The following EFCAB14 variants were observed in gnomAD, a reference collection of about 807,000 sequenced individuals.
The protein encoded by EFCAB14 is EF-hand calcium-binding domain-containing protein 14.
Under a neutral mutation model 56.5 loss-of-function variants are expected in EFCAB14, and 43 were observed. The ratio of observed to expected loss-of-function variants is 0.76; its 90% CI spans 0.60 to 0.98. The LOEUF (loss-of-function observed/expected upper bound fraction) is 0.98. EFCAB14 is among the 50% of genes least tolerant of loss of function. The pLI is 0.00. For missense variants in EFCAB14, 538 were observed against 580.3 expected (o/e 0.93, Z 0.75); for synonymous variants, 235 against 212.9 (o/e 1.10, Z -0.90).
chr1:46,717,606 C>T (rs758408123), intron 1 of EFCAB14, among the ~76,000 whole-genome samples: 1 of 152,174 alleles, frequency 6.6e-6, no homozygotes, highest in South Asian at 2.1e-4. Flanking sequence ...CTTCTCTGCT[C>T]CTCTGTCTCC....
At chr1:46,691,759 A>G in intron 5 of EFCAB14, 68 bp downstream of exon 5, 1 of 1,148,850 alleles carries the variant, frequency 8.7e-7, no homozygotes, top group Non-Finnish European at 1.3e-6. Context: ...ATTAGTGGAA[A>G]GTTGGCAACA....
chr1:46,697,850 CTCTCT>C (rs1375676015), intron 3 of EFCAB14, among the ~76,000 whole-genome samples: 53 of 123,238 alleles, frequency 4.3e-4, no homozygotes, highest in African/African-American at 1.6e-3. Context: ...CTTTCTCTCT[CTCTCT>C]TTTTTTTTTT....
Position 46,691,956 on chromosome 1 carries a change from G to C in EFCAB14, c.580-19C>G. 6.3e-7 allele frequency: 1 copy of C among 1,594,626 alleles called. No individual in the cohort carries two copies. Among genetic ancestry groups the C allele is most frequent in the Non-Finnish European group, 8.6e-7 (1 of 1,167,860 alleles). On this transcript the variant is annotated intron_variant, in intron 4 of 10. Coordinates refer to ENST00000371933, the MANE Select transcript of EFCAB14 (RefSeq NM_014774.3). ...CTACACTCTGAATGGAAACATATAGGAAGGTGTAAAAAAGCTTTAAGAGAC... is the reference window on the plus strand; with the variant it reads ...CTACACTCTGAATGGAAACATATAGCAAGGTGTAAAAAAGCTTTAAGAGAC...
Position 46,718,103 on chromosome 1 carries a change from G to C in EFCAB14, c.-16C>G. 1.2e-6 allele frequency: 2 copies of C among 1,612,058 alleles called. No homozygotes were observed. Among genetic ancestry groups the C allele is most frequent in the Non-Finnish European group, 1.7e-6 (2 of 1,178,600 alleles). ...GCTTTTTCATCTTTTTGTGTGGGGT[G>C]AGTGGAGCCCCGACTCCTGAGCTGC... On this transcript the variant is annotated 5_prime_UTR_variant, in exon 1 of 11. Coordinates refer to ENST00000371933, the MANE Select transcript of EFCAB14 (RefSeq NM_014774.3).
intron 10 of EFCAB14, among the ~76,000 whole-genome samples, chr1:46,681,334 G>A (rs1438168407): frequency 6.6e-6 from 1 of 152,144 alleles, no homozygotes; most frequent in African/African-American, 2.4e-5. Context: ...ACCAAAGAAG[G>A]TCAATGAGCT....
At chr1:46,698,718 T>C (rs1055260921) in intron 3 of EFCAB14, among the ~76,000 whole-genome samples, 2 of 152,110 alleles carry the variant, frequency 1.3e-5, no homozygotes, top group Non-Finnish European at 2.9e-5. Flanking sequence ...AATGTGTGTG[T>C]GTATGTGAGA....
intron 4 of EFCAB14, among the ~76,000 whole-genome samples, chr1:46,695,312 T>C (rs370593285): frequency 8.5e-5 from 13 of 152,322 alleles, no homozygotes; most frequent in Non-Finnish European, 1.5e-4. Context: ...ATTTCCTGAA[T>C]TGGCCCTAGG....
At chr1:46,716,488 G>A (rs768359385) in intron 1 of EFCAB14, 45 bp from the exon 2 acceptor site, 10 of 1,604,392 alleles carry the variant, frequency 6.2e-6, no homozygotes, top group Non-Finnish European at 7.7e-6. Context: ...AAGTGATTAT[G>A]GGTATAGCTT....
intron 8 of EFCAB14, 198 bp downstream of exon 8, chr1:46,686,586 A>G (rs931515295): frequency 1.5e-5 from 9 of 591,852 alleles, no homozygotes; most frequent in Non-Finnish European, 2.7e-5. Flanking sequence ...CCCAGCTCCT[A>G]CTAAAGTGTT....
intron 3 of EFCAB14, among the ~76,000 whole-genome samples, chr1:46,700,232 T>C (rs568506686): frequency 1.3e-4 from 20 of 152,338 alleles, no homozygotes; most frequent in Non-Finnish European, 2.6e-4. Context: ...CTATGAGAAT[T>C]AAATGAGACA....
At chr1:46,707,270 T>C (rs1449117181) in intron 3 of EFCAB14, among the ~76,000 whole-genome samples, 3 of 152,366 alleles carry the variant, frequency 2.0e-5, no homozygotes, top group Non-Finnish European at 4.4e-5. Context: ...GATGGGGCTA[T>C]AGTTACCCTG....
In EFCAB14 at chr1:46,677,894, G is replaced by A. The variant is rs1676720813; in HGVS notation, c.*567C>T. 6.6e-6 allele frequency: 1 copy of A among 152,652 alleles called. No individual in the cohort carries two copies. The highest frequency in any genetic ancestry group is 1.5e-5 in the Non-Finnish European group (1 of 68,100). The allele number at this position is 152,652 out of a possible 1,614,324, so 9.5% of individuals were successfully genotyped here. A position where few individuals can be genotyped will look rare whatever the true frequency, so the allele number is the denominator to read the frequency against. ...AGGGATACCTTATGGAGACATGGAT[G>A]TAGTTTCAGCTGCCACCTACACCAG... is the stretch of plus-strand genomic sequence containing the variant. On this transcript the variant is annotated 3_prime_UTR_variant, in exon 11 of 11. Coordinates refer to ENST00000371933, the MANE Select transcript of EFCAB14 (RefSeq NM_014774.3).
intron 3 of EFCAB14, among the ~76,000 whole-genome samples, chr1:46,703,277 T>C (rs772097610): frequency 2.0e-4 from 30 of 152,092 alleles, no homozygotes; most frequent in African/African-American, 2.7e-4. Flanking sequence ...GCCTGGCTAA[T>C]TTTTGTATTT....
In EFCAB14 at chr1:46,718,219, A is replaced by ACC; in HGVS notation, c.-134_-133dup. On this transcript the variant is annotated 5_prime_UTR_variant, in exon 1 of 11. Coordinates refer to ENST00000371933, the MANE Select transcript of EFCAB14 (RefSeq NM_014774.3). Reference sequence around the variant, plus strand: ...GGGCCAGAGCCCCCTGGTCACTCCCACCTAGGGGTGGGACTGACCAGATCC... The same window carrying ACC: ...GGGCCAGAGCCCCCTGGTCACTCCCACCCCTAGGGGTGGGACTGACCAGATCC... The ACC allele has an allele frequency of 1.1e-6, 1 of 916,906 alleles. No homozygotes were observed. The highest frequency in any genetic ancestry group is 1.6e-6 in the Non-Finnish European group (1 of 612,536). The allele number at this position is 916,906 out of a possible 1,614,324, so 56.8% of individuals were successfully genotyped here.
intron 3 of EFCAB14, among the ~76,000 whole-genome samples, chr1:46,703,173 G>A (rs1275057626): frequency 4.6e-5 from 7 of 151,514 alleles, no homozygotes; most frequent in African/African-American, 1.5e-4. Flanking sequence ...GCAATGGCAC[G>A]ATCTCAGCTC....
Position 46,683,297 on chromosome 1 carries a change from T to C in EFCAB14, c.1312+3A>G. The C allele has an allele frequency of 6.2e-7, 1 of 1,611,714 alleles. No homozygotes were observed. Among genetic ancestry groups the C allele is most frequent in the Non-Finnish European group, 8.5e-7 (1 of 1,179,320 alleles). ...ATTACTACCCCGTGGTATAAAAATT[T>C]ACCTTCAGTGCTAGAAACTCCTGGT... On this transcript the variant is annotated splice_donor_region_variant and intron_variant, in intron 10 of 10. Transcript: ENST00000371933.
chr1:46,716,444 C>G lies in EFCAB14; in HGVS notation c.186-1G>C. The G allele has an allele frequency of 6.2e-7, 1 of 1,613,890 alleles. No homozygotes were observed. The highest frequency in any genetic ancestry group is 8.5e-7 in the Non-Finnish European group (1 of 1,179,934). On this transcript the variant is annotated splice_acceptor_variant, in intron 1 of 10. Coordinates refer to ENST00000371933, the MANE Select transcript of EFCAB14 (RefSeq NM_014774.3). LOFTEE classifies it high-confidence loss of function. Reference sequence around the variant, plus strand: ...CTTGCAGCATCGTAAATAGTCTCCCCTGCTCAAGAGGACAAATTCAACCAT... The same window carrying G: ...CTTGCAGCATCGTAAATAGTCTCCCGTGCTCAAGAGGACAAATTCAACCAT...
At chr1:46,711,432 G>C (rs1677306945) in intron 2 of EFCAB14, among the ~76,000 whole-genome samples, 1 of 152,132 alleles carries the variant, frequency 6.6e-6, no homozygotes, top group South Asian at 2.1e-4. Context: ...AATAACCTGG[G>C]TTACAATTAT....
intron 1 of EFCAB14, 81 bp from the exon 2 acceptor site, chr1:46,716,524 A>C: frequency 4.0e-6 from 6 of 1,513,450 alleles, no homozygotes. Flanking sequence ...ACGTTTTGCC[A>C]TGCAATTATC....
Sources: gnomAD v4.1 joint callset for allele counts (sites outside exome capture counted in the v4.1 genomes callset) on GRCh38, gnomAD v4.1.1 for gene constraint, MANE v1.5 for transcripts, NCBI Gene and HGNC (gene_info 2026-07-23, HGNC 2026-07-21) for gene names.